MYO1D: variants seen among roughly 807,000 people sequenced by gnomAD.
The protein encoded by MYO1D is unconventional myosin-Id.
A neutral mutation model predicts 122.0 loss-of-function variants in MYO1D; 83 were observed. The ratio of observed to expected loss-of-function variants is 0.68; its 90% CI spans 0.57 to 0.82. The LOEUF (loss-of-function observed/expected upper bound fraction) is 0.82. Among genes scored for constraint, MYO1D ranks in the 40% least tolerant of loss-of-function variants. The pLI, the probability that MYO1D is intolerant of heterozygous loss-of-function variation, is 0.00. For missense variants in MYO1D, 1,157 were observed against 1,269.5 expected (o/e 0.91, Z 1.35); for synonymous variants, 464 against 446.9 (o/e 1.04, Z -0.48).
At chr17:32,853,484 C>T (rs1318054913) in intron 1 of MYO1D, among the ~76,000 whole-genome samples, 3 of 152,148 alleles carry the variant, frequency 2.0e-5, no homozygotes, top group Admixed American at 1.3e-4. Context: ...TTGAAGCTTC[C>T]GTTTACCTCC....
chr17:32,741,382 CAA>C (rs920766155), intron 13 of MYO1D, among the ~76,000 whole-genome samples: 1 of 137,746 alleles, frequency 7.3e-6, no homozygotes, highest in Admixed American at 7.3e-5. Context: ...TGGTTTTATC[CAA>C]AAAAAAAAAA....
intron 11 of MYO1D, among the ~76,000 whole-genome samples, chr17:32,754,506 T>C (rs1204855517): frequency 2.0e-5 from 3 of 152,260 alleles, no homozygotes; most frequent in Non-Finnish European, 4.4e-5. Context: ...AAATGTCAGC[T>C]AGTAATCTAT....
chr17:32,735,220 C>T (rs1484891215), intron 14 of MYO1D, among the ~76,000 whole-genome samples: 3 of 152,022 alleles, frequency 2.0e-5, no homozygotes, highest in East Asian at 1.9e-4. Context: ...GATGGAGTCT[C>T]GCTCTGTTGC....
rs575486197 is a variant in MYO1D, at chr17:32,605,478, C to A, written c.2710-237G>T. Among the ~76,000 whole-genome samples the A allele has an allele frequency of 1.0e-2, 350 of 35,122 alleles. 1 individual carries two copies. The highest frequency in any genetic ancestry group is 0.016 in the Non-Finnish European group (271 of 17,152). 23.0% of individuals were successfully genotyped at this position (35,122 alleles called of 152,430 possible). A position where few individuals can be genotyped will look rare whatever the true frequency, so the allele number is the denominator to read the frequency against. On this transcript the variant is annotated intron_variant, in intron 20 of 21. Transcript: ENST00000318217. ...ATTTTCTAAGGGTTTTGCTCAGTGA[C>A]CCCCTGACTTTAATCTTCTATCAGT...
At chr17:32,529,864 G>T (rs892329974) in intron 21 of MYO1D, 1 of 152,196 alleles carries the variant, frequency 6.6e-6, no homozygotes, top group African/African-American at 2.4e-5. Flanking sequence ...CTCCCAACGC[G>T]TAAACAAACA....
intron 16 of MYO1D, among the ~76,000 whole-genome samples, chr17:32,710,057 T>C (rs1043698194): frequency 1.3e-5 from 2 of 152,148 alleles, no homozygotes; most frequent in South Asian, 2.1e-4. Flanking sequence ...ATAAAAATTA[T>C]TGAATTTAAT....
At chr17:32,520,847 C>A (rs1487911718) in intron 21 of MYO1D, among the ~76,000 whole-genome samples, 2 of 152,210 alleles carry the variant, frequency 1.3e-5, no homozygotes, top group African/African-American at 2.4e-5. Context: ...TGCTGTTATT[C>A]CTGCATTCCA....
intron 1 of MYO1D, among the ~76,000 whole-genome samples, chr17:32,832,332 GCT>G (rs1044904347): frequency 2.0e-5 from 3 of 146,638 alleles, no homozygotes; most frequent in African/African-American, 7.6e-5. Context: ...ATGGAGTCAC[GCT>G]CTGTCACCCA....
chr17:32,694,366 A>C (rs750247840), intron 16 of MYO1D, among the ~76,000 whole-genome samples: 1 of 152,188 alleles, frequency 6.6e-6, no homozygotes, highest in Non-Finnish European at 1.5e-5. Context: ...GGCACTTTTC[A>C]GCCATTATGG....
At chr17:32,741,105 G>C (rs1331087039) in intron 13 of MYO1D, among the ~76,000 whole-genome samples, 1 of 151,702 alleles carries the variant, frequency 6.6e-6, no homozygotes, top group Admixed American at 6.6e-5. Flanking sequence ...GTGCATGCCT[G>C]TACCCCCAGT....
At chr17:32,779,971 C>G (rs551617371) in intron 2 of MYO1D, among the ~76,000 whole-genome samples, 1 of 152,176 alleles carries the variant, frequency 6.6e-6, no homozygotes, top group Non-Finnish European at 1.5e-5. Context: ...GGTCAGTGAA[C>G]AGATATTTTT....
chr17:32,508,692 T>C (rs1312749444), intron 21 of MYO1D, among the ~76,000 whole-genome samples: 3 of 152,176 alleles, frequency 2.0e-5, no homozygotes, highest in Non-Finnish European at 4.4e-5. Flanking sequence ...CAGCACGAGG[T>C]GAATTTCCTT....
At chr17:32,742,343 G>A (rs1460574883) in intron 13 of MYO1D, among the ~76,000 whole-genome samples, 1 of 152,166 alleles carries the variant, frequency 6.6e-6, no homozygotes, top group African/African-American at 2.4e-5. Context: ...TCCATTCCAT[G>A]TTACTGTTAG....
chr17:32,820,666 G>A (rs886428575), intron 1 of MYO1D, among the ~76,000 whole-genome samples: 7 of 152,074 alleles, frequency 4.6e-5, no homozygotes, highest in Non-Finnish European at 7.4e-5. Context: ...AAGGGATGGC[G>A]GACATGGAGA....
intron 14 of MYO1D, among the ~76,000 whole-genome samples, chr17:32,737,253 A>G (rs2089714314): frequency 6.6e-6 from 1 of 152,256 alleles, no homozygotes; most frequent in South Asian, 2.1e-4. Context: ...CAACAGCAGC[A>G]GTTAGGGGTA....
intron 19 of MYO1D, among the ~76,000 whole-genome samples, chr17:32,639,460 G>A (rs2088161107): frequency 6.7e-6 from 1 of 149,116 alleles, no homozygotes; most frequent in African/African-American, 2.5e-5. Flanking sequence ...ACATGTTCAG[G>A]TAAATCTTTT....
intron 21 of MYO1D, among the ~76,000 whole-genome samples, chr17:32,572,595 C>T (rs2150896319): frequency 6.6e-6 from 1 of 152,266 alleles, no homozygotes; most frequent in African/African-American, 2.4e-5. Flanking sequence ...AGTCAGACCA[C>T]ATCACCCCCT....
intron 20 of MYO1D, among the ~76,000 whole-genome samples, chr17:32,637,790 T>C (rs1368874777): frequency 1.3e-5 from 2 of 152,086 alleles, no homozygotes; most frequent in Admixed American, 6.6e-5. Context: ...GAGGGGTGCA[T>C]AGTGAAGACG....
intron 1 of MYO1D, among the ~76,000 whole-genome samples, chr17:32,803,141 TC>T (rs1350662477): frequency 2.4e-4 from 36 of 151,848 alleles, no homozygotes; most frequent in African/African-American, 8.5e-4. Flanking sequence ...TGCCAGAACT[TC>T]CAATTTTTCT....
Sources: gnomAD v4.1 joint callset for allele counts (sites outside exome capture counted in the v4.1 genomes callset) on GRCh38, gnomAD v4.1.1 for gene constraint, MANE v1.5 for transcripts, NCBI Gene and HGNC (gene_info 2026-07-23, HGNC 2026-07-21) for gene names.